The following STX5 variants were observed in gnomAD, a reference collection of about 807,000 sequenced individuals.
The protein encoded by STX5 is syntaxin-5.
Under a neutral mutation model 42.9 loss-of-function variants are expected in STX5, and 15 were observed. The ratio of observed to expected loss-of-function variants is 0.35; its 90% CI spans 0.23 to 0.54. The LOEUF (loss-of-function observed/expected upper bound fraction) is 0.54, where lower values mean the gene tolerates loss of function less well. Among genes scored for constraint, STX5 ranks in the 20% least tolerant of loss-of-function variants. The pLI, the probability that STX5 is intolerant of heterozygous loss-of-function variation, is 0.91. For synonymous variants in STX5, 184 were observed against 173.2 expected (o/e 1.06, Z -0.49); for missense variants, 430 against 455.0 (o/e 0.95, Z 0.50).
At chr11:62,831,840 G>C in intron 1 of STX5, 114 bp downstream of exon 1, 3 of 450,616 alleles carry the variant, frequency 6.7e-6, no homozygotes, top group Middle Eastern at 3.3e-4. Context: ...AGCCGGGCCG[G>C]CAGGACTTGC....
intron 10 of STX5, among the ~76,000 whole-genome samples, chr11:62,822,380 C>A (rs2084749468): frequency 6.6e-6 from 1 of 152,078 alleles, no homozygotes; most frequent in Non-Finnish European, 1.5e-5. Flanking sequence ...GAAAAACTAA[C>A]CCCTGCAATG....
intron 10 of STX5, among the ~76,000 whole-genome samples, chr11:62,808,619 G>A (rs1245212028): frequency 1.3e-5 from 2 of 152,024 alleles, no homozygotes; most frequent in African/African-American, 2.4e-5. Context: ...TATATTGGAG[G>A]ATGTGAGTAG....
At chr11:62,831,813 G>C in intron 1 of STX5, 141 bp downstream of exon 1, 1 of 431,682 alleles carries the variant, frequency 2.3e-6, no homozygotes, top group South Asian at 1.6e-5. Flanking sequence ...TGGACGGCAA[G>C]GAATTCGCTC....
intron 2 of STX5, among the ~76,000 whole-genome samples, chr11:62,828,163 G>A (rs897036021): frequency 2.0e-5 from 3 of 151,728 alleles, no homozygotes; most frequent in African/African-American, 4.8e-5. Flanking sequence ...CTCCCAGGTT[G>A]GAATATAGTA....
At chr11:62,812,465 G>A (rs1041472314) in intron 10 of STX5, among the ~76,000 whole-genome samples, 2 of 151,514 alleles carry the variant, frequency 1.3e-5, no homozygotes, top group Admixed American at 6.6e-5. Flanking sequence ...AGGTTGGAGT[G>A]CAGTGGCGTG....
At chr11:62,827,466 A>G in intron 3 of STX5, 68 bp from the exon 4 acceptor site, 2 of 1,613,226 alleles carry the variant, frequency 1.2e-6, no homozygotes, top group Non-Finnish European at 1.7e-6. Context: ...GCTCCAGCAT[A>G]ACCAATCCCA....
At chr11:62,829,686 C>T (rs1459116727) in intron 2 of STX5, among the ~76,000 whole-genome samples, 5 of 151,870 alleles carry the variant, frequency 3.3e-5, no homozygotes, top group African/African-American at 1.2e-4. Flanking sequence ...GTTGCTTGAG[C>T]CCAGGAGGTC....
chr11:62,807,773 G>C, intron 10 of STX5, 145 bp from the exon 11 acceptor site: 1 of 1,407,712 alleles, frequency 7.1e-7, no homozygotes, highest in Non-Finnish European at 9.4e-7. Flanking sequence ...CTTTGGAAGG[G>C]TACTATAAAC....
chr11:62,822,945 A>T (rs1211007063), intron 10 of STX5, among the ~76,000 whole-genome samples: 1 of 151,884 alleles, frequency 6.6e-6, no homozygotes, highest in Non-Finnish European at 1.5e-5. Context: ...CCTCCAGTAC[A>T]CCCTGTACTT....
At chr11:62,826,899 A>T (rs1395974955) in intron 5 of STX5, among the ~76,000 whole-genome samples, 5 of 151,772 alleles carry the variant, frequency 3.3e-5, no homozygotes, top group African/African-American at 1.2e-4. Flanking sequence ...AAAAAAAAAA[A>T]AATTATCCAG....
intron 10 of STX5, among the ~76,000 whole-genome samples, chr11:62,808,293 G>C (rs2084575103): frequency 6.6e-6 from 1 of 152,062 alleles, no homozygotes; most frequent in African/African-American, 2.4e-5. Context: ...GGGTGTGCTG[G>C]TGTGACCCTA....
chr11:62,828,691 A>T (rs2084822006), intron 2 of STX5, among the ~76,000 whole-genome samples: 2 of 151,716 alleles, frequency 1.3e-5, no homozygotes, highest in Admixed American at 1.3e-4. Context: ...CCACCACTGC[A>T]CTCCAGCCTG....
At chr11:62,830,139 C>T (rs1445970939) in intron 2 of STX5, among the ~76,000 whole-genome samples, 1 of 147,594 alleles carries the variant, frequency 6.8e-6, no homozygotes, top group Non-Finnish European at 1.5e-5. Context: ...GCTGGGACTA[C>T]AGGCACATGC....
At chr11:62,811,394 T>C (rs1255141294) in intron 10 of STX5, among the ~76,000 whole-genome samples, 1 of 152,218 alleles carries the variant, frequency 6.6e-6, no homozygotes, top group Non-Finnish European at 1.5e-5. Flanking sequence ...GTTCTCTCCC[T>C]GACACCAAAT....
rs1261664430 is a variant in STX5, at chr11:62,824,197, T to C, written c.877A>G (p.Met293Val). ...ATGGTTTCCTCCTGTTCCTTAACCA[T>C]GTGTGCCAACTGCTGAAAGATGGAG... ...LGSIFQQLAHMVKEQEETIQR... is the reference protein window; with the variant it reads ...LGSIFQQLAHVVKEQEETIQR... The change falls in exon 10 of 11, where the codon ATG (methionine) becomes GTG (valine). Residue 293 changes from methionine to valine, a missense_variant. By Grantham distance (21) the Met-to-Val change is conservative. Coordinates refer to ENST00000294179, the MANE Select transcript of STX5 (RefSeq NM_003164.5). The C allele has an allele frequency of 5.6e-6, 9 of 1,614,096 alleles. No homozygotes were observed. The highest frequency in any genetic ancestry group is 2.7e-5 in the African/African-American group (2 of 74,944).
At chr11:62,830,516 C>A in intron 2 of STX5, 1 of 456,074 alleles carries the variant, frequency 2.2e-6, no homozygotes, top group South Asian at 1.5e-5. Context: ...CCACTACACT[C>A]CAGCCTGTTG....
rs569750175 is a variant in STX5, at chr11:62,826,211, C to T, written c.424-672G>A. 2.9e-3 allele frequency among the ~76,000 whole-genome samples: 445 copies of T among 151,920 alleles called. 2 individuals are homozygous for T. The highest frequency in any genetic ancestry group is 9.4e-3 in the African/African-American group (389 of 41,426). On this transcript the variant is annotated intron_variant, in intron 5 of 10. Transcript: ENST00000294179. ...TGGAGGTTGCAGTGAGCCTAGATCG[C>T]GCCACTGCACTCCAGCCTGGCGACA...
intron 10 of STX5, 40 bp downstream of exon 10, chr11:62,824,126 G>A: frequency 1.9e-6 from 3 of 1,613,754 alleles, no homozygotes; most frequent in Non-Finnish European, 2.5e-6. Flanking sequence ...CCACGGGGAA[G>A]AGAAAGCTCC....
chr11:62,820,816 T>C (rs1298035820), intron 10 of STX5, among the ~76,000 whole-genome samples: 2 of 152,078 alleles, frequency 1.3e-5, no homozygotes, highest in Non-Finnish European at 2.9e-5. Context: ...GGCACTATTT[T>C]CTATTTTTCG....
Sources: gnomAD v4.1 joint callset for allele counts (sites outside exome capture counted in the v4.1 genomes callset) on GRCh38, gnomAD v4.1.1 for gene constraint, MANE v1.5 for transcripts, NCBI Gene and HGNC (gene_info 2026-07-23, HGNC 2026-07-21) for gene names.